The following ADAMTS13 variants were observed in gnomAD, a reference collection of about 807,000 sequenced individuals.
The protein encoded by ADAMTS13 is ADAM metallopeptidase with thrombospondin type 1 motif 13.
Under a neutral mutation model 155.1 loss-of-function variants are expected in ADAMTS13, and 110 were observed. That is an observed-to-expected ratio of 0.71 (90% CI 0.61 to 0.83). The LOEUF is 0.83. ADAMTS13 is among the 40% of genes least tolerant of loss of function. The probability of loss-of-function intolerance (pLI) is 0.00; values close to 1 mark genes in which losing one functional copy is unlikely to be tolerated. For synonymous variants in ADAMTS13, 758 were observed against 756.4 expected (o/e 1.00, Z -0.03); for missense variants, 1,707 against 1,891.7 (o/e 0.90, Z 1.81).
At position 133,430,115 on chromosome 9, in the gene ADAMTS13, C is replaced by T. The variant is rs925233142; in HGVS notation, c.987+14C>T. 3 of 1,569,216 alleles carry T rather than the reference C, an allele frequency of 1.9e-6. No homozygotes were observed. ...AGGGAGCACCTGGTGAGTCTGCCGG[C>T]GGTGGCCTGGGATTGGCTGTGAGGT... On this transcript the variant is annotated intron_variant, in intron 8 of 28. Transcript: ENST00000355699.
At chr9:133,443,288 C>A in intron 18 of ADAMTS13, 88 bp from the exon 19 acceptor site, 2 of 1,479,530 alleles carry the variant, frequency 1.4e-6, no homozygotes, top group African/African-American at 1.4e-5. Flanking sequence ...TGTCCCAGAC[C>A]GGGGGAGTAC....
chr9:133,426,020 A>T lies in ADAMTS13; in HGVS notation c.497A>T (p.Asp166Val). Residue 166 changes from aspartate to valine, a missense_variant, in exon 5 of 29, where the codon GAC becomes GTC. Asp to Val is a radical substitution (Grantham distance 152). Coordinates refer to ENST00000355699, the MANE Select transcript of ADAMTS13 (RefSeq NM_139027.6). ...AGCCAGACCATCAACCCTGAGGACG[A>T]CACGGATCCTGGCCATGCTGACCTG... ...GWSQTINPED[D>V]TDPGHADLVL... 6.2e-7 allele frequency: 1 copy of T among 1,614,046 alleles called. No homozygotes were observed. The highest frequency in any genetic ancestry group is 8.5e-7 in the Non-Finnish European group (1 of 1,180,026).
intron 13 of ADAMTS13, 21 bp downstream of exon 13, chr9:133,437,918 G>C (rs782310823): frequency 1.2e-6 from 2 of 1,612,880 alleles, no homozygotes; most frequent in Non-Finnish European, 1.7e-6. Context: ...GTGGACATTG[G>C]CGATGGCCCT....
Position 133,455,376 on chromosome 9 carries a change from A to G in ADAMTS13, c.3341A>G (p.Gln1114Arg). The G allele has an allele frequency of 1.2e-6, 2 of 1,612,446 alleles. No homozygotes were observed. Among genetic ancestry groups the G allele is most frequent in the Non-Finnish European group, 1.7e-6 (2 of 1,179,976 alleles). The change falls in exon 25 of 29, where the codon CAG becomes CGG. Residue 1114 changes from glutamine (Q) to arginine (R), a missense_variant. By Grantham distance (43) the Gln-to-Arg change is conservative. Transcript: ENST00000355699. ...AQAPVPADFC[Q>R]HLPKPVTVRG... ...GCGCCTGTGCCAGCTGATTTCTGCC[A>G]GCACTTGCCCAAGCCGGTGACTGTG...
Position 133,445,934 on chromosome 9 carries a change from T to C in ADAMTS13, c.2731+115T>C. 1 of 1,405,182 alleles carries C rather than the reference T, an allele frequency of 7.1e-7. No homozygotes were observed. The highest frequency in any genetic ancestry group is 9.5e-7 in the Non-Finnish European group (1 of 1,056,438). 87.0% of individuals were successfully genotyped at this position (1,405,182 alleles called of 1,614,324 possible). ...GGTGGATTGCAGAAAATCCAGACTATATGGGAACACGTGGTAATACACAAG... is the reference window on the plus strand; with the variant it reads ...GGTGGATTGCAGAAAATCCAGACTACATGGGAACACGTGGTAATACACAAG... On this transcript the variant is annotated intron_variant, in intron 21 of 28. Transcript: ENST00000355699. This position sits in a 1 kb window ranked among gnomAD's most constrained non-coding sequence, Gnocchi z 5.0.
chr9:133,438,847 G>A (rs587706808), intron 14 of ADAMTS13, among the ~76,000 whole-genome samples: 11 of 149,364 alleles, frequency 7.4e-5, no homozygotes, highest in African/African-American at 2.7e-4. Flanking sequence ...CCAGGAGGCA[G>A]AGGTTGCAGT....
At chr9:133,452,235 C>T (rs989043028) in intron 23 of ADAMTS13, among the ~76,000 whole-genome samples, 1 of 151,932 alleles carries the variant, frequency 6.6e-6, no homozygotes, top group African/African-American at 2.4e-5. Flanking sequence ...GCCTCAGCTT[C>T]CCGAGTAGCT....
intron 11 of ADAMTS13, 106 bp from the exon 12 acceptor site, chr9:133,436,723 A>T: frequency 8.4e-7 from 1 of 1,194,998 alleles, no homozygotes; most frequent in Middle Eastern, 2.0e-4. Context: ...AGCTGAGGCC[A>T]CACCCACATC....
At position 133,415,153 on chromosome 9, in the gene ADAMTS13, T is replaced by C. The variant is rs188161920; in HGVS notation, n.287+509T>C. ...TTCCCATCCGCATCACTGAAATTCA[T>C]TTTCAAACGGTTTGGAAAAAGCTCT... On this transcript the variant is annotated intron_variant and non_coding_transcript_variant, in intron 1 of 17. Coordinates refer to the ADAMTS13 transcript ENST00000485925. The C allele has an allele frequency of 2.5e-5, 17 of 692,320 alleles. No homozygotes were observed. In the East Asian group the frequency reaches 4.1e-4, roughly 17 times the overall value. The allele number at this position is 692,320 out of a possible 1,614,324, so 42.9% of individuals were successfully genotyped here.
In ADAMTS13 at chr9:133,456,278, G is replaced by A. The variant is rs1189379574; in HGVS notation, c.3547+63G>A. ...GGGCCCTGCCAGGAGCCAGCACGAC[G>A]CTGCATGCCCCATTCCTGGCAGGAG... On this transcript the variant is annotated intron_variant, in intron 26 of 28. Transcript: ENST00000355699. This position sits in a 1 kb window ranked among gnomAD's most constrained non-coding sequence, Gnocchi z 4.4. 39 of 1,608,628 alleles carry A rather than the reference G, an allele frequency of 2.4e-5. No individual in the cohort carries two copies. Among genetic ancestry groups the A allele is most frequent in the South Asian group, 5.5e-5 (5 of 90,730 alleles).
Position 133,459,344 on chromosome 9 carries a change from C to A in ADAMTS13, c.*164C>A. On this transcript the variant is annotated 3_prime_UTR_variant, in exon 29 of 29. Coordinates refer to ENST00000355699, the MANE Select transcript of ADAMTS13 (RefSeq NM_139027.6). ...GGAGGTGGGGACTCTGGAAAAGCAGCCCCCATTTCCTCGGGTACCAATAAA... is the reference window on the plus strand; with the variant it reads ...GGAGGTGGGGACTCTGGAAAAGCAGACCCCATTTCCTCGGGTACCAATAAA... 1.3e-6 allele frequency: 1 copy of A among 761,748 alleles called. No individual in the cohort carries two copies. The allele number at this position is 761,748 out of a possible 1,614,324, so 47.2% of individuals were successfully genotyped here.
Position 133,454,570 on chromosome 9 carries a change from G to C in ADAMTS13, c.3200G>C (p.Cys1067Ser). 1 of 1,607,258 alleles carries C rather than the reference G, an allele frequency of 6.2e-7. No homozygotes were observed. Reference protein sequence around the residue: ...ALVRPEASVPCLIADCTYRWH... With the variant: ...ALVRPEASVPSLIADCTYRWH... ...GTGCGGCCCGAGGCCAGTGTCCCCT[G>C]TCTCATTGCCGACTGCACCTACCGC... Residue 1067 changes from cysteine (C) to serine (S), a missense_variant, in exon 24 of 29, where the codon TGT becomes TCT. Coordinates refer to ENST00000355699, the MANE Select transcript of ADAMTS13 (RefSeq NM_139027.6).
Position 133,428,721 on chromosome 9 carries a change from C to T in ADAMTS13, c.774C>T (p.Ala258=), listed in dbSNP as rs1554785937. Reference sequence around the variant, plus strand: ...CTTCGGACGGCGCCGCGCCCCGCGCCGGCCTCGCCTGGTCCCCCTGCAGCC... The same window carrying T: ...CTTCGGACGGCGCCGCGCCCCGCGCTGGCCTCGCCTGGTCCCCCTGCAGCC... ...VMASDGAAPR[A]GLAWSPCSRR... is the part of the protein sequence containing the mutation. Residue 258 remains alanine (A), a synonymous_variant, in exon 7 of 29, where the codon GCC becomes GCT. Coordinates refer to ENST00000355699, the MANE Select transcript of ADAMTS13 (RefSeq NM_139027.6). The T allele has an allele frequency of 7.4e-6, 10 of 1,351,240 alleles. No individual in the cohort carries two copies. Among genetic ancestry groups the T allele is most frequent in the Non-Finnish European group, 9.5e-6 (10 of 1,049,938 alleles). The allele number at this position is 1,351,240 out of a possible 1,614,324, so 83.7% of individuals were successfully genotyped here.
intron 23 of ADAMTS13, among the ~76,000 whole-genome samples, chr9:133,451,324 C>G (rs1354576281): frequency 6.6e-6 from 1 of 152,182 alleles, no homozygotes; most frequent in Non-Finnish European, 1.5e-5. Flanking sequence ...GTGATGCAAT[C>G]TTGGCTCACT....
In ADAMTS13 at chr9:133,441,560, G is replaced by T. The variant is rs1841676571; in HGVS notation, c.1969-839G>T. 6.6e-6 allele frequency among the ~76,000 whole-genome samples: 1 copy of T among 152,238 alleles called. No homozygotes were observed. The highest frequency in any genetic ancestry group is 2.4e-5 in the African/African-American group (1 of 41,452). On this transcript the variant is annotated intron_variant, in intron 16 of 28. Coordinates refer to ENST00000355699, the MANE Select transcript of ADAMTS13 (RefSeq NM_139027.6). The surrounding 1 kb of genome is among the most constrained non-coding windows in gnomAD (Gnocchi z 5.0). Reference sequence around the variant, plus strand: ...CCAGATGTGGGCATCGAGGGGGCAGGTGCGGAATGTCACCTCGCCCTGGGC... The same window carrying T: ...CCAGATGTGGGCATCGAGGGGGCAGTTGCGGAATGTCACCTCGCCCTGGGC...
Position 133,424,336 on chromosome 9 carries a change from C to G in ADAMTS13, c.188C>G (p.Pro63Arg), listed in dbSNP as rs1554784553. Residue 63 changes from proline to arginine, a missense_variant, in exon 3 of 29, where the codon CCT becomes CGT. Transcript: ENST00000355699. This position sits in a 1 kb window ranked among gnomAD's most constrained non-coding sequence, Gnocchi z 4.3. ...GAPLKGRPPS[P>R]GFQRQRQRQR... ...CCCCCTCCAGGCCGCCCTCCTTCCC[C>G]TGGCTTCCAGAGGCAGAGGCAGAGG... 1.2e-6 allele frequency: 2 copies of G among 1,613,086 alleles called. No homozygotes were observed. Among genetic ancestry groups the G allele is most frequent in the Admixed American group, 1.7e-5 (1 of 60,012 alleles).
chr9:133,430,110 G>T lies in ADAMTS13; in HGVS notation c.987+9G>T. Reference sequence around the variant, plus strand: ...TCGCCAGGGAGCACCTGGTGAGTCTGCCGGCGGTGGCCTGGGATTGGCTGT... The same window carrying T: ...TCGCCAGGGAGCACCTGGTGAGTCTTCCGGCGGTGGCCTGGGATTGGCTGT... On this transcript the variant is annotated intron_variant, in intron 8 of 28. Transcript: ENST00000355699. 6.4e-7 allele frequency: 1 copy of T among 1,572,846 alleles called. No individual in the cohort carries two copies. The highest frequency in any genetic ancestry group is 8.6e-7 in the Non-Finnish European group (1 of 1,164,706).
intron 8 of ADAMTS13, among the ~76,000 whole-genome samples, chr9:133,430,687 T>C (rs1231531266): frequency 1.4e-5 from 2 of 141,220 alleles, no homozygotes; most frequent in Non-Finnish European, 1.5e-5. Context: ...CAAGTCTTTT[T>C]TTTTCCTATT....
rs1840216158 is a variant in ADAMTS13, at chr9:133,425,439, T to A, written c.331-90T>A. On this transcript the variant is annotated intron_variant, in intron 3 of 28. Transcript: ENST00000355699. This position sits in a 1 kb window ranked among gnomAD's most constrained non-coding sequence, Gnocchi z 4.6. ...CTGGTGGAGTAGCCTCTCCAGCTCT[T>A]CACACTCCGGGGGCCCCTGGGAGTC... 8.4e-7 allele frequency: 1 copy of A among 1,193,646 alleles called. No homozygotes were observed. The highest frequency in any genetic ancestry group is 2.5e-5 in the East Asian group (1 of 39,454). 73.9% of individuals were successfully genotyped at this position (1,193,646 alleles called of 1,614,324 possible). A position where few individuals can be genotyped will look rare whatever the true frequency, so the allele number is the denominator to read the frequency against.
Sources: allele counts gnomAD v4.1 joint callset (sites outside exome capture counted in the v4.1 genomes callset), GRCh38; gene constraint gnomAD v4.1.1; non-coding constraint Gnocchi (gnomAD v3.1); transcripts MANE v1.5; gene names NCBI Gene and HGNC (gene_info 2026-07-23, HGNC 2026-07-21).